Variants in OR2C1 observed in about 807,000 individuals in gnomAD.
The protein encoded by OR2C1 is olfactory receptor 2C1.
For synonymous variants in OR2C1, 209 were observed against 167.3 expected, an observed-to-expected ratio of 1.25 and a Z score of -1.92; for missense variants, 468 against 388.3, an observed-to-expected ratio of 1.21 and a Z score of -1.73.
At chr16:3,343,409 A>T in the OR2C1 span, among the ~76,000 whole-genome samples, 1 of 152,114 alleles carries the variant, frequency 6.6e-6, no homozygotes, top group Non-Finnish European at 1.5e-5. Flanking sequence ...ATTATTTCTT[A>T]CAACTTTACG....
At chr16:3,340,889 A>T in the OR2C1 span, among the ~76,000 whole-genome samples, 1 of 149,114 alleles carries the variant, frequency 6.7e-6, no homozygotes, top group Non-Finnish European at 1.5e-5. Context: ...GGGCAGTGTG[A>T]CTCCTCCCAC....
the OR2C1 span, among the ~76,000 whole-genome samples, chr16:3,334,037 A>G: frequency 2.0e-5 from 3 of 152,078 alleles, no homozygotes; most frequent in African/African-American, 7.2e-5. Flanking sequence ...CAGTGGCACA[A>G]TCTTGGCTCA....
chr16:3,356,987 C>A lies in OR2C1; in HGVS notation c.*108C>A. ...AATACTAATTCCGGTAAAACCAAGGCATGTTCCTGACAGCCCTAAGCTGAC... is the reference window on the plus strand; with the variant it reads ...AATACTAATTCCGGTAAAACCAAGGAATGTTCCTGACAGCCCTAAGCTGAC... On this transcript the variant is annotated 3_prime_UTR_variant, in exon 1 of 1. Transcript: ENST00000304936. 1 of 992,384 alleles carries A rather than the reference C, an allele frequency of 1.0e-6. No homozygotes were observed. Among genetic ancestry groups the A allele is most frequent in the Non-Finnish European group, 1.5e-6 (1 of 679,738 alleles). 61.5% of individuals were successfully genotyped at this position (992,384 alleles called of 1,614,324 possible). A position where few individuals can be genotyped will look rare whatever the true frequency, so the allele number is the denominator to read the frequency against.
chr16:3,342,324 A>T, the OR2C1 span, among the ~76,000 whole-genome samples: 1,027 of 152,358 alleles, frequency 6.7e-3, 8 homozygotes, highest in African/African-American at 0.024. Context: ...TTATGTCAAT[A>T]TTAAGGATTT....
At chr16:3,325,803 A>G in the OR2C1 span, among the ~76,000 whole-genome samples, 2 of 152,020 alleles carry the variant, frequency 1.3e-5, no homozygotes, top group Admixed American at 6.6e-5. Context: ...GAAAAAATGT[A>G]AAAATATAAA....
Position 3,355,987 on chromosome 16 carries a change from G to A in OR2C1, c.47G>A (p.Gly16Asp). 6.2e-7 allele frequency: 1 copy of A among 1,613,754 alleles called. No individual in the cohort carries two copies. The highest frequency in any genetic ancestry group is 8.5e-7 in the Non-Finnish European group (1 of 1,179,784). ...DSSLQGFVLM[G>D]ISDHPQLEMI... is the part of the protein sequence containing the mutation. ...TCCTTGCAGGGCTTTGTTCTGATGG[G>A]CATATCAGACCATCCCCAGCTGGAG... Residue 16 changes from glycine (G) to aspartate (D), a missense_variant, in exon 1 of 1, where the codon GGC (glycine) becomes GAC (aspartate). Coordinates refer to ENST00000304936, the MANE Select transcript of OR2C1 (RefSeq NM_012368.3).
the OR2C1 span, chr16:3,323,893 C>T: frequency 1.5e-6 from 2 of 1,320,308 alleles, no homozygotes; most frequent in Admixed American, 2.0e-5. Flanking sequence ...TTTCTGGAAC[C>T]AAAGGGATTT....
At chr16:3,327,741 T>C in the OR2C1 span, among the ~76,000 whole-genome samples, 1 of 152,092 alleles carries the variant, frequency 6.6e-6, no homozygotes, top group Admixed American at 6.6e-5. Context: ...AGTGGTTTCC[T>C]GAAAGCCTAC....
the OR2C1 span, among the ~76,000 whole-genome samples, chr16:3,328,357 T>A: frequency 6.6e-6 from 1 of 152,242 alleles, no homozygotes; most frequent in Admixed American, 6.5e-5. Context: ...ACACTTAAAT[T>A]AACCTGCTGA....
In OR2C1 at chr16:3,356,822, C is replaced by T; in HGVS notation, c.882C>T (p.Asn294=). 6.2e-7 allele frequency: 1 copy of T among 1,613,586 alleles called. No individual in the cohort carries two copies. Among genetic ancestry groups the T allele is most frequent in the Non-Finnish European group, 8.5e-7 (1 of 1,179,686 alleles). ...ATCCCCTCATCTACACGCTGCGGAA[C>T]ATGGAAGTGAAGGGCGCACTGAGGA... is the stretch of plus-strand genomic sequence containing the variant. ...MVNPLIYTLR[N]MEVKGALRRL... The change falls in exon 1 of 1, where the codon AAC becomes AAT. Residue 294 remains asparagine (N), a synonymous_variant. Coordinates refer to ENST00000304936, the MANE Select transcript of OR2C1 (RefSeq NM_012368.3).
chr16:3,338,987 T>A, the OR2C1 span, among the ~76,000 whole-genome samples: 3 of 152,196 alleles, frequency 2.0e-5, no homozygotes, highest in Admixed American at 6.5e-5. Flanking sequence ...AAGAAATTCC[T>A]TATTTGTTAG....
chr16:3,337,521 T>C, the OR2C1 span, among the ~76,000 whole-genome samples: 1 of 152,112 alleles, frequency 6.6e-6, no homozygotes, highest in Non-Finnish European at 1.5e-5. Context: ...TCCATTCTGC[T>C]GTTGAGAGTC....
At chr16:3,335,107 C>T in the OR2C1 span, among the ~76,000 whole-genome samples, 1 of 152,318 alleles carries the variant, frequency 6.6e-6, no homozygotes. Context: ...GCGTGAGCCA[C>T]CATGCCTGTC....
the OR2C1 span, chr16:3,323,909 T>C: frequency 7.5e-4 from 907 of 1,202,540 alleles, 7 homozygotes; most frequent in African/African-American, 0.011. Context: ...GATTTTTCTT[T>C]GCTTTTGCTC....
At chr16:3,326,783 A>T in the OR2C1 span, among the ~76,000 whole-genome samples, 1 of 152,220 alleles carries the variant, frequency 6.6e-6, no homozygotes, top group African/African-American at 2.4e-5. Flanking sequence ...TGGATGACGC[A>T]TGTAACCCAG....
At chr16:3,354,651 G>A (rs1223238045), upstream of OR2C1, among the ~76,000 whole-genome samples, 1 of 152,192 alleles carries the variant, frequency 6.6e-6, no homozygotes, top group East Asian at 1.9e-4. Flanking sequence ...AAAACTCAGA[G>A]GGGAGGGATG....
chr16:3,350,306 C>G, the OR2C1 span, among the ~76,000 whole-genome samples: 1 of 151,820 alleles, frequency 6.6e-6, no homozygotes, highest in Non-Finnish European at 1.5e-5. Flanking sequence ...CCACCTGCCT[C>G]GGACTCCCAA....
upstream of OR2C1, among the ~76,000 whole-genome samples, chr16:3,354,545 C>T (rs1009898792): frequency 3.9e-5 from 6 of 152,150 alleles, no homozygotes; most frequent in Admixed American, 6.5e-5. Flanking sequence ...GTATTTGGAG[C>T]ATAAGTCTGT....
chr16:3,350,640 T>C, the OR2C1 span, among the ~76,000 whole-genome samples: 1 of 150,008 alleles, frequency 6.7e-6, no homozygotes, highest in Non-Finnish European at 1.5e-5. Context: ...CTCGATCTCC[T>C]GACCTTGTGA....
Sources: allele counts gnomAD v4.1 joint callset (sites outside exome capture counted in the v4.1 genomes callset), GRCh38; gene constraint gnomAD v4.1.1; transcripts MANE v1.5; gene names NCBI Gene and HGNC (gene_info 2026-07-23, HGNC 2026-07-21).